The following CPS1 variants were observed in gnomAD, a reference collection of about 807,000 sequenced individuals.
CPS1 encodes the protein carbamoyl-phosphate synthase 1.
In CPS1, 109 loss-of-function variants were observed where a neutral mutation model predicts 174.6. That is an observed-to-expected ratio of 0.62 (90% CI 0.53 to 0.73). CPS1 has a LOEUF of 0.73. Ranked by LOEUF, CPS1 falls within the 30% of genes least tolerant of loss-of-function variation. The pLI, the probability that CPS1 is intolerant of heterozygous loss-of-function variation, is 0.00. For synonymous variants in CPS1, 637 were observed against 632.0 expected (o/e 1.01, Z -0.12); for missense variants, 1,689 against 1,821.9 (o/e 0.93, Z 1.33).
intron 6 of CPS1, among the ~76,000 whole-genome samples, chr2:210,585,986 G>A (rs13035785): frequency 0.069 from 10,517 of 151,480 alleles, 547 homozygotes; most frequent in East Asian, 0.25. Context: ...ATCAGAAGGC[G>A]TATAGAGGAC....
intron 15 of CPS1, 98 bp downstream of exon 15, chr2:210,600,810 T>C (rs1331968061): frequency 7.7e-7 from 1 of 1,302,308 alleles, no homozygotes; most frequent in Non-Finnish European, 1.1e-6. Flanking sequence ...AAGATTATTA[T>C]ACTTGCATGC....
rs538772350 is a variant in CPS1 at position 210,575,157 on chromosome 2, G to A, written c.237-1189G>A. ...CCCTCGAGTCACCTTAGGGATTGCA[G>A]AGCTGAAAGACTATGTATTTTGTTG... is the stretch of plus-strand genomic sequence containing the variant. On this transcript the variant is annotated intron_variant, in intron 2 of 37. Transcript: ENST00000233072. 2.6e-5 allele frequency among the ~76,000 whole-genome samples: 4 copies of A among 152,206 alleles called. No individual in the cohort carries two copies. In the South Asian group the frequency reaches 8.3e-4, roughly 32 times the overall value.
chr2:210,598,026 A>G (rs1342523979), intron 13 of CPS1, among the ~76,000 whole-genome samples: 1 of 151,930 alleles, frequency 6.6e-6, no homozygotes, highest in Non-Finnish European at 1.5e-5. Flanking sequence ...GGAGCACATT[A>G]TTCTGCATTT....
chr2:210,662,269 GT>G, intron 32 of CPS1, among the ~76,000 whole-genome samples: 1 of 151,974 alleles, frequency 6.6e-6, no homozygotes, highest in East Asian at 1.9e-4. Flanking sequence ...ATAAATCTTA[GT>G]TTTTTTCAAA....
intron 1 of CPS1, among the ~76,000 whole-genome samples, chr2:210,568,313 G>C (rs984958494): frequency 2.6e-5 from 4 of 152,052 alleles, no homozygotes; most frequent in Non-Finnish European, 4.4e-5. Flanking sequence ...TCCATATAGA[G>C]AGCGAGCCAG....
Position 210,677,072 on chromosome 2 carries a change from A to C in CPS1, c.4340A>C (p.His1447Pro). 6.2e-7 allele frequency: 1 copy of C among 1,613,538 alleles called. No homozygotes were observed. The highest frequency in any genetic ancestry group is 8.5e-7 in the Non-Finnish European group (1 of 1,179,456). Residue 1447 changes from histidine (H) to proline (P), a missense_variant, in exon 37 of 38, where the codon CAT (histidine) becomes CCT (proline). Transcript: ENST00000233072. The stretch of plus-strand genomic sequence containing the variant: ...CCCAACAACAACACTAAATTTGTCC[A>C]TGATAATTATGTGATTCGGAGGACA... ...NLPNNNTKFV[H>P]DNYVIRRTAV...
At chr2:210,486,379 C>CA (rs1156946191) in intron 1 of CPS1, among the ~76,000 whole-genome samples, 1 of 152,140 alleles carries the variant, frequency 6.6e-6, no homozygotes, top group Non-Finnish European at 1.5e-5. Context: ...CTTTGAAGAG[C>CA]ATCTAATGAC....
At chr2:210,654,143 A>G in intron 29 of CPS1, 41 bp downstream of exon 29, 2 of 1,558,150 alleles carry the variant, frequency 1.3e-6, no homozygotes, top group Non-Finnish European at 1.8e-6. Flanking sequence ...CTGCCTTCTC[A>G]TCATTTTTTT....
intron 21 of CPS1, chr2:210,619,128 A>C (rs1400134405): frequency 5.9e-5 from 9 of 152,128 alleles, no homozygotes; most frequent in Non-Finnish European, 1.5e-5. Flanking sequence ...TTGAGAAGAC[A>C]GGCAGTGGGG....
At chr2:210,628,730 G>A (rs539995290) in intron 21 of CPS1, among the ~76,000 whole-genome samples, 23 of 152,112 alleles carry the variant, frequency 1.5e-4, no homozygotes, top group South Asian at 4.2e-4. Flanking sequence ...AACTGGGGAG[G>A]TGGAGGTTGC....
chr2:210,577,224 C>G (rs1392957966), intron 3 of CPS1, 197 bp from the exon 4 acceptor site: 2 of 599,618 alleles, frequency 3.3e-6, no homozygotes, highest in African/African-American at 1.9e-5. Flanking sequence ...AGCCTGCTCC[C>G]TCTCAGGATA....
At chr2:210,509,375 A>C (rs1226121872) in intron 1 of CPS1, among the ~76,000 whole-genome samples, 1 of 152,152 alleles carries the variant, frequency 6.6e-6, no homozygotes, top group South Asian at 2.1e-4. Flanking sequence ...TTGATGGGAC[A>C]TATCTCAAAA....
intron 1 of CPS1, among the ~76,000 whole-genome samples, chr2:210,488,596 G>A (rs73071721): frequency 0.024 from 3,681 of 152,220 alleles, 142 homozygotes; most frequent in African/African-American, 0.084. Context: ...TGTGTATATA[G>A]GTACCATTGC....
At chr2:210,610,427 T>C (rs1172095107) in intron 19 of CPS1, among the ~76,000 whole-genome samples, 1 of 151,970 alleles carries the variant, frequency 6.6e-6, no homozygotes, top group Non-Finnish European at 1.5e-5. Flanking sequence ...AAGGAATAGA[T>C]TATAGATAAT....
At chr2:210,522,747 C>A (rs993679174) in intron 1 of CPS1, among the ~76,000 whole-genome samples, 2 of 151,888 alleles carry the variant, frequency 1.3e-5, no homozygotes, top group Admixed American at 1.3e-4. Flanking sequence ...AAGAGCATAC[C>A]ACCATCTTGG....
intron 1 of CPS1, among the ~76,000 whole-genome samples, chr2:210,488,406 A>G (rs183550708): frequency 6.6e-6 from 1 of 152,198 alleles, no homozygotes; most frequent in Non-Finnish European, 1.5e-5. Context: ...GTGTGACAAC[A>G]TATGACTGGG....
At position 210,640,029 on chromosome 2, in the gene CPS1, A is replaced by G; in HGVS notation, c.2929A>G (p.Met977Val). The change falls in exon 24 of 38, where the codon ATG (methionine) becomes GTG (valine). Residue 977 changes from methionine to valine, a missense_variant. By Grantham distance (21) the Met-to-Val change is conservative. Transcript: ENST00000233072. The stretch of plus-strand genomic sequence containing the variant: ...TGTCAATTTTGATGACCATGGAATG[A>G]TGGTGCTAGGCTGTGGTCCATATCA... ...HDVNFDDHGM[M>V]VLGCGPYHIG... 1.2e-6 allele frequency: 2 copies of G among 1,611,362 alleles called. No individual in the cohort carries two copies. Among genetic ancestry groups the G allele is most frequent in the Non-Finnish European group, 1.7e-6 (2 of 1,177,982 alleles).
At chr2:210,561,546 G>A (rs980326369) in intron 1 of CPS1, among the ~76,000 whole-genome samples, 7 of 152,134 alleles carry the variant, frequency 4.6e-5, no homozygotes, top group African/African-American at 1.7e-4. Context: ...AAAAATTGAG[G>A]GGTGCTGTAG....
intron 32 of CPS1, among the ~76,000 whole-genome samples, chr2:210,662,695 G>T (rs1263437988): frequency 6.6e-6 from 1 of 152,218 alleles, no homozygotes; most frequent in Non-Finnish European, 1.5e-5. Flanking sequence ...CTGGCAAGGT[G>T]GCTTGTTGCA....
Sources: allele counts gnomAD v4.1 joint callset (sites outside exome capture counted in the v4.1 genomes callset), GRCh38; gene constraint gnomAD v4.1.1; transcripts MANE v1.5; gene names NCBI Gene and HGNC (gene_info 2026-07-23, HGNC 2026-07-21).